DSG4: variants seen among roughly 807,000 people sequenced by gnomAD.
DSG4 encodes the protein desmoglein-4.
In DSG4, 87 loss-of-function variants were observed where a neutral mutation model predicts 93.1. The observed-to-expected ratio is 0.93, with a 90% CI of 0.79 to 1.12. DSG4 has a LOEUF of 1.12. Ranked by LOEUF, DSG4 falls within the 50% of genes most tolerant of loss-of-function variation. DSG4 has a pLI of 0.00. For synonymous variants in DSG4, 432 were observed against 452.9 expected (o/e 0.95, Z 0.59); for missense variants, 1,373 against 1,285.7 (o/e 1.07, Z -1.04).
chr18:31,382,592 G>A (rs1598734362), intron 1 of DSG4, among the ~76,000 whole-genome samples: 1 of 152,234 alleles, frequency 6.6e-6, no homozygotes, highest in South Asian at 2.1e-4. Context: ...CTCATTAACA[G>A]GTGTTTCCTA....
At chr18:31,411,547 T>C in intron 15 of DSG4, 99 bp downstream of exon 15, 2 of 1,375,434 alleles carry the variant, frequency 1.5e-6, no homozygotes, top group Admixed American at 1.8e-5. Context: ...AAATATGCTG[T>C]TATTCTCAAC....
rs1261047036 is a variant in DSG4, at chr18:31,388,889, C to G, written c.388C>G (p.Leu130Val). ...TPLFLIYCRA[L>V]NSRGEDLERP... Reference sequence around the variant, plus strand: ...TTTTCCACAGATCTATTGCCGGGCTCTGAATTCACGGGGTGAAGATTTAGA... The same window carrying G: ...TTTTCCACAGATCTATTGCCGGGCTGTGAATTCACGGGGTGAAGATTTAGA... The change falls in exon 5 of 16, where the codon CTG becomes GTG. Residue 130 changes from leucine to valine, a missense_variant. Coordinates refer to ENST00000308128, the MANE Select transcript of DSG4 (RefSeq NM_177986.5). 2 of 1,613,404 alleles carry G rather than the reference C, an allele frequency of 1.2e-6. No individual in the cohort carries two copies. The highest frequency in any genetic ancestry group is 2.7e-5 in the African/African-American group (2 of 74,874).
At chr18:31,404,793 A>G (rs1248279311) in intron 11 of DSG4, among the ~76,000 whole-genome samples, 2 of 152,214 alleles carry the variant, frequency 1.3e-5, no homozygotes, top group East Asian at 3.8e-4. Context: ...ACCATCTCCT[A>G]TAAAGCTCAA....
chr18:31,403,349 G>A (rs976369319), intron 10 of DSG4, 67 bp from the exon 11 acceptor site: 16 of 1,291,544 alleles, frequency 1.2e-5, no homozygotes, highest in Non-Finnish European at 1.5e-5. Context: ...GCATCATCAG[G>A]GGATATGAGA....
At chr18:31,377,187 A>G (rs769577105) in intron 1 of DSG4, among the ~76,000 whole-genome samples, 70 of 152,224 alleles carry the variant, frequency 4.6e-4, no homozygotes, top group Non-Finnish European at 9.1e-4. Context: ...ATATGCCCTC[A>G]GAGACATAAT....
At chr18:31,385,053 AAG>A (rs1206923007) in intron 1 of DSG4, 81 bp from the exon 2 acceptor site, 1 of 1,162,846 alleles carries the variant, frequency 8.6e-7, no homozygotes, top group African/African-American at 1.5e-5. Context: ...GAATTAATAA[AAG>A]AATATTGTCA....
chr18:31,392,578 T>C (rs1268604865), intron 8 of DSG4, among the ~76,000 whole-genome samples: 3 of 152,192 alleles, frequency 2.0e-5, no homozygotes, highest in East Asian at 1.9e-4. Context: ...CAATATCTAG[T>C]TGTGAAGATA....
intron 12 of DSG4, among the ~76,000 whole-genome samples, chr18:31,406,772 T>C (rs1465712003): frequency 1.3e-5 from 2 of 151,690 alleles, no homozygotes; most frequent in African/African-American, 4.9e-5. Context: ...ATTTTTTTTT[T>C]CTTTTTTTCT....
chr18:31,380,275 C>CT (rs2072120094), intron 1 of DSG4, among the ~76,000 whole-genome samples: 2 of 152,202 alleles, frequency 1.3e-5, no homozygotes, highest in African/African-American at 2.4e-5. Context: ...TTGAAAGATA[C>CT]TTTTTTTGTT....
chr18:31,406,873 G>A (rs150465951), intron 12 of DSG4, among the ~76,000 whole-genome samples: 92 of 151,944 alleles, frequency 6.1e-4, no homozygotes, highest in Non-Finnish European at 1.2e-3. Flanking sequence ...TGCCTCCCAG[G>A]TTCAAATGAT....
intron 1 of DSG4, among the ~76,000 whole-genome samples, chr18:31,384,716 A>T (rs3899889): frequency 0.7 from 106,432 of 152,080 alleles, 38,294 homozygotes; most frequent in East Asian, 0.9. Context: ...TTTCTGGAAC[A>T]TCCGCTGACT....
Position 31,411,395 on chromosome 18 carries a change from G to C in DSG4, c.2302G>C (p.Asp768His). The C allele has an allele frequency of 6.2e-7, 1 of 1,614,104 alleles. No homozygotes were observed. Among genetic ancestry groups the C allele is most frequent in the Non-Finnish European group, 8.5e-7 (1 of 1,180,016 alleles). ...KRSSTMGTLR[D>H]YADADINMAF... ...GAGCTCTACCATGGGAACCCTGCGG[G>C]ACTACGCTGACGCAGACATCAACAT... is the stretch of plus-strand genomic sequence containing the variant. Residue 768 changes from aspartate (D) to histidine (H), a missense_variant, in exon 15 of 16, where the codon GAC becomes CAC. Asp to His is a moderately conservative substitution (Grantham distance 81). Coordinates refer to ENST00000308128, the MANE Select transcript of DSG4 (RefSeq NM_177986.5).
chr18:31,408,940 T>C (rs1409437837), intron 12 of DSG4, among the ~76,000 whole-genome samples: 1 of 152,250 alleles, frequency 6.6e-6, no homozygotes, highest in Non-Finnish European at 1.5e-5. Flanking sequence ...TTTTTCATTA[T>C]AGTCTATAAA....
Position 31,385,120 on chromosome 18 carries a change from T to C in DSG4, c.49-16T>C. ...TATGCAAATTTATGCTAATGTGGTA[T>C]CTTCTATCAAAACAGGTGGTGATGG... On this transcript the variant is annotated splice_polypyrimidine_tract_variant and intron_variant, in intron 1 of 15. Transcript: ENST00000308128. 6.3e-7 allele frequency: 1 copy of C among 1,599,782 alleles called. No individual in the cohort carries two copies.
At chr18:31,394,407 A>G (rs959911966) in intron 8 of DSG4, among the ~76,000 whole-genome samples, 3 of 152,110 alleles carry the variant, frequency 2.0e-5, no homozygotes, top group Non-Finnish European at 4.4e-5. Flanking sequence ...GAGAAACCCC[A>G]TCTCTACTAA....
intron 11 of DSG4, 47 bp from the exon 12 acceptor site, chr18:31,406,030 C>A (rs556669066): frequency 8.4e-5 from 136 of 1,610,890 alleles, no homozygotes; most frequent in Non-Finnish European, 1.0e-4. Context: ...CCCCCTAGCC[C>A]ACCAAGGAAT....
At chr18:31,387,522 C>T (rs777966327) in intron 3 of DSG4, among the ~76,000 whole-genome samples, 26 of 152,272 alleles carry the variant, frequency 1.7e-4, no homozygotes, top group African/African-American at 6.3e-4. Flanking sequence ...TGGAGGGACG[C>T]TTTTAAATTA....
chr18:31,378,373 T>C (rs1279287228), intron 1 of DSG4, among the ~76,000 whole-genome samples: 2 of 152,224 alleles, frequency 1.3e-5, no homozygotes. Context: ...ATGCTTTGAC[T>C]CAGATAAACT....
Position 31,406,083 on chromosome 18 carries a change from C to T in DSG4, c.1643C>T (p.Ser548Leu), listed in dbSNP as rs1198346538. 3.1e-6 allele frequency: 5 copies of T among 1,613,878 alleles called. No individual in the cohort carries two copies. The highest frequency in any genetic ancestry group is 1.3e-5 in the African/African-American group (1 of 74,898). Residue 548 changes from serine to leucine, a missense_variant, in exon 12 of 16, where the codon TCG becomes TTG. Physicochemically the swap from Ser to Leu is moderately radical, Grantham distance 145 (BLOSUM62 -2). Transcript: ENST00000308128. ...MWDVRSTNAT[S>L]AILTAKQVLS... is the part of the protein sequence containing the mutation. ...TTCCTCTCTTCCATTTCAGCTACCT[C>T]GGCAATCCTTACGGCTAAGCAGGTT...
Sources: gnomAD v4.1 joint callset for allele counts (sites outside exome capture counted in the v4.1 genomes callset) on GRCh38, gnomAD v4.1.1 for gene constraint, MANE v1.5 for transcripts, NCBI Gene and HGNC (gene_info 2026-07-23, HGNC 2026-07-21) for gene names.